Variants in GARIN1A observed in about 807,000 individuals in gnomAD.
The protein encoded by GARIN1A is golgi associated RAB2 interactor 1A, also known as Golgi-associated RAB2 interactor protein 1A.
chr7:128,692,857 A>G, the GARIN1A span, among the ~76,000 whole-genome samples: 1 of 152,220 alleles, frequency 6.6e-6, no homozygotes, highest in African/African-American at 2.4e-5. Flanking sequence ...CAGGTCATCA[A>G]TTTAGAGAAA....
chr7:128,676,887 T>C, the GARIN1A span, among the ~76,000 whole-genome samples: 15 of 151,998 alleles, frequency 9.9e-5, no homozygotes, highest in African/African-American at 3.4e-4. Flanking sequence ...ATCATACTTA[T>C]CTTGGCAGGG....
At chr7:128,676,836 CCT>C in the GARIN1A span, among the ~76,000 whole-genome samples, 1 of 151,978 alleles carries the variant, frequency 6.6e-6, no homozygotes, top group African/African-American at 2.4e-5. Context: ...AATCACTTAG[CCT>C]CTCTAAGCCT....
At chr7:128,706,113 G>A in the GARIN1A span, among the ~76,000 whole-genome samples, 1 of 151,910 alleles carries the variant, frequency 6.6e-6, no homozygotes, top group Non-Finnish European at 1.5e-5. Context: ...GTCATTATCT[G>A]CTTTGACATT....
chr7:128,700,689 A>G, the GARIN1A span, among the ~76,000 whole-genome samples: 1 of 152,214 alleles, frequency 6.6e-6, no homozygotes, highest in African/African-American at 2.4e-5. Flanking sequence ...GCATACATAC[A>G]TAGCTGGAAT....
At chr7:128,700,017 C>T in the GARIN1A span, among the ~76,000 whole-genome samples, 4 of 152,102 alleles carry the variant, frequency 2.6e-5, no homozygotes, top group Non-Finnish European at 5.9e-5. Flanking sequence ...ATATAGCTCA[C>T]CAGCTTTCTT....
At chr7:128,704,633 G>A in the GARIN1A span, among the ~76,000 whole-genome samples, 2 of 152,134 alleles carry the variant, frequency 1.3e-5, no homozygotes, top group African/African-American at 4.8e-5. Flanking sequence ...GTGCAACCTA[G>A]ATCACTCACA....
the GARIN1A span, among the ~76,000 whole-genome samples, chr7:128,674,904 G>A: frequency 2.0e-5 from 3 of 152,136 alleles, no homozygotes; most frequent in African/African-American, 4.8e-5. Context: ...ACACCAGTCT[G>A]GGCAACATAG....
the GARIN1A span, chr7:128,680,190 G>T: frequency 8.0e-7 from 1 of 1,247,936 alleles, no homozygotes; most frequent in Admixed American, 2.3e-5. Flanking sequence ...CCTTCCTCCA[G>T]TGTGAAGTCA....
chr7:128,681,958 G>T, the GARIN1A span, among the ~76,000 whole-genome samples: 7 of 147,784 alleles, frequency 4.7e-5, no homozygotes, highest in Non-Finnish European at 8.9e-5. Context: ...CCTTTAAGGA[G>T]TCCTCCTGGG....
chr7:128,700,279 A>ATTTTT, the GARIN1A span, among the ~76,000 whole-genome samples: 2 of 119,474 alleles, frequency 1.7e-5, 1 homozygote, highest in Non-Finnish European at 3.7e-5. Flanking sequence ...TTTGTTTTGT[A>ATTTTT]TTTTGTTTTT....
At chr7:128,707,220 A>ATGTATGTGTGTGTG in the GARIN1A span, among the ~76,000 whole-genome samples, 4 of 147,186 alleles carry the variant, frequency 2.7e-5, no homozygotes, top group African/African-American at 7.6e-5. Flanking sequence ...GTGTGTATGT[A>ATGTATGTGTGTGTG]TGTGTGTGTG....
chr7:128,679,006 T>TATGTAACGATTGTTACATATATACG, the GARIN1A span, among the ~76,000 whole-genome samples: 2 of 148,798 alleles, frequency 1.3e-5, no homozygotes, highest in African/African-American at 5.0e-5. Context: ...ACATATATAC[T>TATGTAACGATTGTTACATATATACG]TATGTAACGA....
chr7:128,677,497 T>G, the GARIN1A span: 1 of 837,180 alleles, frequency 1.2e-6, no homozygotes, highest in Admixed American at 4.9e-5. Flanking sequence ...GCAGCGAGAC[T>G]CCGTCTCAAA....
chr7:128,694,985 C>G, the GARIN1A span, among the ~76,000 whole-genome samples: 1 of 152,206 alleles, frequency 6.6e-6, no homozygotes, highest in Admixed American at 6.5e-5. Flanking sequence ...ATCTCTATAG[C>G]AAGTTGCCTT....
At chr7:128,679,009 T>G in the GARIN1A span, among the ~76,000 whole-genome samples, 2 of 151,364 alleles carry the variant, frequency 1.3e-5, no homozygotes, top group East Asian at 1.9e-4. Flanking sequence ...TATATACTTA[T>G]GTAACGATTG....
the GARIN1A span, chr7:128,677,866 T>C: frequency 2.1e-6 from 3 of 1,460,788 alleles, no homozygotes; most frequent in Non-Finnish European, 2.8e-6. Context: ...TATAAGTATA[T>C]ATGTAAGTGT....
the GARIN1A span, among the ~76,000 whole-genome samples, chr7:128,698,104 G>A: frequency 6.6e-6 from 1 of 152,142 alleles, no homozygotes; most frequent in African/African-American, 2.4e-5. Context: ...GTATGTATAG[G>A]TAGGTTACAA....
At chr7:128,694,912 T>G in the GARIN1A span, among the ~76,000 whole-genome samples, 1 of 152,246 alleles carries the variant, frequency 6.6e-6, no homozygotes, top group Non-Finnish European at 1.5e-5. Context: ...TGAAATTTGC[T>G]TTGCTCAGCT....
chr7:128,674,261 C>T, the GARIN1A span, among the ~76,000 whole-genome samples: 6 of 151,974 alleles, frequency 3.9e-5, no homozygotes, highest in East Asian at 1.9e-4. Flanking sequence ...GAGGCTGACC[C>T]GCACAGAAAA....
Sources: gnomAD v4.1 joint callset for allele counts (sites outside exome capture counted in the v4.1 genomes callset) on GRCh38, gnomAD v4.1.1 for gene constraint, MANE v1.5 for transcripts, NCBI Gene and HGNC (gene_info 2026-07-23, HGNC 2026-07-21) for gene names.